Variants in C11orf71 observed in about 807,000 individuals in gnomAD.
C11orf71 encodes uncharacterized protein C11orf71.
For missense variants in C11orf71, 179 were observed against 167.6 expected (o/e 1.07, Z -0.38); for synonymous variants, 72 against 73.4 (o/e 0.98, Z 0.09).
At chr11:114,397,077 G>A (rs143517784), downstream of C11orf71, among the ~76,000 whole-genome samples, 1,110 of 152,228 alleles carry the variant, frequency 7.3e-3, 14 homozygotes, top group African/African-American at 0.025. Flanking sequence ...ATGAATAGAG[G>A]AAGTAAATAT....
downstream of C11orf71, among the ~76,000 whole-genome samples, chr11:114,394,121 A>T (rs746503308): frequency 6.6e-6 from 1 of 151,646 alleles, no homozygotes; most frequent in East Asian, 1.9e-4. Flanking sequence ...CTGGGACTAC[A>T]GGCGCCCATC....
At chr11:114,393,026 A>G (rs1195532795) in intron 1 of C11orf71, among the ~76,000 whole-genome samples, 2 of 152,240 alleles carry the variant, frequency 1.3e-5, no homozygotes, top group South Asian at 4.1e-4. Flanking sequence ...ATGGTTGGAA[A>G]GTAAAGTGGT....
chr11:114,393,383 C>A lies in C11orf71; in HGVS notation c.344-1718G>T, dbSNP rs183206578. On this transcript the variant is annotated intron_variant, in intron 1 of 1. Coordinates refer to the C11orf71 transcript ENST00000325636. The stretch of plus-strand genomic sequence containing the variant: ...ACAATTCAAAGTCCATTTAACTCTG[C>A]AATTGAGGAGCTTCTACTTCAATCG... 1.1e-3 allele frequency among the ~76,000 whole-genome samples: 172 copies of A among 152,264 alleles called. No individual in the cohort carries two copies. In the Middle Eastern group the frequency reaches 0.024, roughly 21 times the overall value.
At chr11:114,394,238 T>TTTTC (rs1491380904), downstream of C11orf71, among the ~76,000 whole-genome samples, 674 of 49,504 alleles carry the variant, frequency 0.014, 17 homozygotes, top group African/African-American at 0.032. Context: ...CTTTCTTTTC[T>TTTTC]TTTCTTTTCT....
intron 1 of C11orf71, among the ~76,000 whole-genome samples, chr11:114,393,141 C>A (rs573333074): frequency 6.6e-6 from 1 of 152,320 alleles, no homozygotes; most frequent in East Asian, 1.9e-4. Context: ...CTCTTACATG[C>A]CACACTTATA....
chr11:114,399,934 G>A lies in C11orf71; in HGVS notation c.*26C>T, dbSNP rs759890860. The A allele has an allele frequency of 3.2e-6, 5 of 1,565,582 alleles. No homozygotes were observed. The highest frequency in any genetic ancestry group is 1.4e-5 in the African/African-American group (1 of 73,718). Reference sequence around the variant, plus strand: ...TTAAAAAGGCCTGTTCACAAGCTAAGTGAGGGCCAGAGGAAAGGTGTTCGT... The same window carrying A: ...TTAAAAAGGCCTGTTCACAAGCTAAATGAGGGCCAGAGGAAAGGTGTTCGT... On this transcript the variant is annotated 3_prime_UTR_variant, in exon 1 of 1. Coordinates refer to ENST00000623205, the MANE Select transcript of C11orf71 (RefSeq NM_001271562.2).
downstream of C11orf71, among the ~76,000 whole-genome samples, chr11:114,394,231 T>TTCTTTTCTTTTC (rs1555024217): frequency 2.2e-5 from 1 of 44,854 alleles, no homozygotes; most frequent in Non-Finnish European, 3.4e-5. Context: ...TTCTTTTCTT[T>TTCTTTTCTTTTC]CTTTTCTTTT....
chr11:114,394,247 CTTT>C (rs1378187120), downstream of C11orf71, among the ~76,000 whole-genome samples: 566 of 60,482 alleles, frequency 9.4e-3, 41 homozygotes, highest in African/African-American at 0.038. Context: ...CTTTTCTTTT[CTTT>C]TCTTTTCTTT....
At position 114,399,793 on chromosome 11, in the gene C11orf71, C is replaced by T. The variant is rs1946165521; in HGVS notation, c.*167G>A. On this transcript the variant is annotated 3_prime_UTR_variant, in exon 1 of 1. Coordinates refer to ENST00000623205, the MANE Select transcript of C11orf71 (RefSeq NM_001271562.2). ...GCTGCATAAAACCACCTAAATCAAT[C>T]AACTGTTACACTTCCCTTAGTGCTA... is the stretch of plus-strand genomic sequence containing the variant. 2 of 1,026,448 alleles carry T rather than the reference C, an allele frequency of 1.9e-6. No homozygotes were observed. Among genetic ancestry groups the T allele is most frequent in the Non-Finnish European group, 2.7e-6 (2 of 734,738 alleles). The allele number at this position is 1,026,448 out of a possible 1,614,324, so 63.6% of individuals were successfully genotyped here. A position where few individuals can be genotyped will look rare whatever the true frequency, so the allele number is the denominator to read the frequency against.
At position 114,399,437 on chromosome 11, in the gene C11orf71, G is replaced by C. The variant is rs1381360486; in HGVS notation, c.*523C>G. ...AATTTGGAACCTTTGCCAAAGAAAG[G>C]AATAATAAATTGATTTAATAATTTG... On this transcript the variant is annotated 3_prime_UTR_variant, in exon 1 of 1. Transcript: ENST00000623205. 2 of 152,338 alleles carry C rather than the reference G, an allele frequency of 1.3e-5. No homozygotes were observed. The highest frequency in any genetic ancestry group is 4.8e-5 in the African/African-American group (2 of 41,434). The allele number at this position is 152,338 out of a possible 1,614,324, so 9.4% of individuals were successfully genotyped here.
downstream of C11orf71, among the ~76,000 whole-genome samples, chr11:114,394,259 T>TTTCTTTTCTTTTC (rs1946107113): frequency 4.2e-5 from 3 of 70,650 alleles, no homozygotes. Context: ...TTTCTTTTCT[T>TTTCTTTTCTTTTC]TTCTTTTCTT....
At chr11:114,397,559 T>C (rs2135342435), downstream of C11orf71, among the ~76,000 whole-genome samples, 1 of 152,274 alleles carries the variant, frequency 6.6e-6, no homozygotes, top group East Asian at 1.9e-4. Context: ...ACCACACCAT[T>C]TTCTTGTTTA....
At chr11:114,394,253 T>TTTCTTTTC (rs1491392540), downstream of C11orf71, among the ~76,000 whole-genome samples, 1 of 66,678 alleles carries the variant, frequency 1.5e-5, no homozygotes, top group Admixed American at 2.0e-4. Context: ...TTTTCTTTTC[T>TTTCTTTTC]TTTCTTTTCT....
intron 1 of C11orf71, among the ~76,000 whole-genome samples, chr11:114,392,547 A>AG (rs201341700): frequency 0.046 from 6,677 of 145,068 alleles, 296 homozygotes; most frequent in East Asian, 0.16. Context: ...AAAAAAAAAA[A>AG]AAAGAAGAAG....
At chr11:114,393,064 C>T (rs932236550) in intron 1 of C11orf71, among the ~76,000 whole-genome samples, 4 of 152,166 alleles carry the variant, frequency 2.6e-5, no homozygotes, top group African/African-American at 9.7e-5. Context: ...GAACTGTGAA[C>T]GGGTTCAGCA....
At chr11:114,394,227 T>TCTTTCCTTTC (rs1565256493), downstream of C11orf71, among the ~76,000 whole-genome samples, 20 of 42,324 alleles carry the variant, frequency 4.7e-4, no homozygotes, top group East Asian at 8.5e-4. Context: ...TCTTTTCTTT[T>TCTTTCCTTTC]CTTTCTTTTC....
downstream of C11orf71, among the ~76,000 whole-genome samples, chr11:114,398,363 G>A (rs541163668): frequency 6.6e-6 from 1 of 152,196 alleles, no homozygotes; most frequent in African/African-American, 2.4e-5. Context: ...GCATTCAGAT[G>A]AGGAACCTCA....
At chr11:114,394,248 TTTTC>T (rs1491464075), downstream of C11orf71, among the ~76,000 whole-genome samples, 1 of 62,128 alleles carries the variant, frequency 1.6e-5, no homozygotes, top group Non-Finnish European at 2.7e-5. Context: ...TTTTCTTTTC[TTTTC>T]TTTTCTTTTC....
In C11orf71 at chr11:114,399,945, A is replaced by G; in HGVS notation, c.*15T>C. On this transcript the variant is annotated 3_prime_UTR_variant, in exon 1 of 1. Coordinates refer to ENST00000623205, the MANE Select transcript of C11orf71 (RefSeq NM_001271562.2). ...TGTTCACAAGCTAAGTGAGGGCCAG[A>G]GGAAAGGTGTTCGTTTAAACTGAAA... The G allele has an allele frequency of 6.3e-7, 1 of 1,583,600 alleles. No individual in the cohort carries two copies. Among genetic ancestry groups the G allele is most frequent in the Non-Finnish European group, 8.6e-7 (1 of 1,159,438 alleles).
Sources: gnomAD v4.1 joint callset for allele counts (sites outside exome capture counted in the v4.1 genomes callset) on GRCh38, gnomAD v4.1.1 for gene constraint, MANE v1.5 for transcripts, NCBI Gene and HGNC (gene_info 2026-07-23, HGNC 2026-07-21) for gene names.